The following CACNA1C variants were observed in gnomAD, a reference collection of about 807,000 sequenced individuals.
CACNA1C encodes calcium voltage-gated channel subunit alpha1 C.
CACNA1C carries 30 observed loss-of-function variants against 229.0 expected under a neutral mutation model. That is an observed-to-expected ratio of 0.13 (90% CI 0.10 to 0.18). The LOEUF is 0.18. CACNA1C is among the 10% of genes least tolerant of loss of function. The pLI is 1.00. For missense variants in CACNA1C, 1,658 were observed against 2,845.0 expected, an observed-to-expected ratio of 0.58 and a Z score of 9.49; for synonymous variants, 1,114 against 1,132.5, an observed-to-expected ratio of 0.98 and a Z score of 0.33.
chr12:2,417,586 G>C (rs920986627), intron 3 of CACNA1C, among the ~76,000 whole-genome samples: 3 of 152,178 alleles, frequency 2.0e-5, no homozygotes, highest in African/African-American at 7.2e-5. Flanking sequence ...GGTGGCATGT[G>C]ACTGGCTGCA....
intron 45 of CACNA1C, among the ~76,000 whole-genome samples, chr12:2,687,318 G>T (rs751333684): frequency 6.6e-6 from 1 of 152,154 alleles, no homozygotes; most frequent in Non-Finnish European, 1.5e-5. Flanking sequence ...TGGTAGGCAC[G>T]AAACTCTCCT....
intron 3 of CACNA1C, among the ~76,000 whole-genome samples, chr12:2,402,369 C>T (rs1389761712): frequency 6.6e-6 from 1 of 152,246 alleles, no homozygotes; most frequent in Non-Finnish European, 1.5e-5. Context: ...AGGGACACCT[C>T]CGTGTGCTTC....
chr12:2,391,593 G>A (rs913440662), intron 3 of CACNA1C, among the ~76,000 whole-genome samples: 12 of 107,872 alleles, frequency 1.1e-4, no homozygotes, highest in Admixed American at 4.3e-4. Flanking sequence ...ATGACAGTGG[G>A]CGGGAGGCAG....
At chr12:2,082,225 C>A (rs2065908906) in intron 1 of CACNA1C, among the ~76,000 whole-genome samples, 1 of 152,186 alleles carries the variant, frequency 6.6e-6, no homozygotes, top group Non-Finnish European at 1.5e-5. Flanking sequence ...CTGAGACTCC[C>A]TGCTCTTTTC....
chr12:2,014,516 A>T (rs4765874), intron 1 of CACNA1C, among the ~76,000 whole-genome samples: 78,975 of 152,030 alleles, frequency 0.52, 20,688 homozygotes, highest in East Asian at 0.72. Context: ...AGACAGGCAC[A>T]TTCCCTGCCT....
In CACNA1C at chr12:2,633,624, T is replaced by C. The variant is rs757322782; in HGVS notation, c.3829-673T>C. 7.7e-6 allele frequency: 12 copies of C among 1,568,124 alleles called. No individual in the cohort carries two copies. Among genetic ancestry groups the C allele is most frequent in the Non-Finnish European group, 1.1e-5 (12 of 1,138,244 alleles). ...TCCCCATCCTGCCTGCCCTCCCTTA[T>C]GTAGGGTTACTTTAGTGATCCCTGG... is the stretch of plus-strand genomic sequence containing the variant. On this transcript the variant is annotated intron_variant, in intron 29 of 46. Coordinates refer to ENST00000399655, the MANE Select transcript of CACNA1C (RefSeq NM_000719.7). The surrounding 1 kb of genome is among the most constrained non-coding windows in gnomAD (Gnocchi z 5.8).
chr12:2,170,245 T>C (rs982045586), intron 3 of CACNA1C, among the ~76,000 whole-genome samples: 1 of 152,224 alleles, frequency 6.6e-6, no homozygotes, highest in African/African-American at 2.4e-5. Context: ...TGCCATCTTA[T>C]TCTTTTTCCA....
At chr12:2,441,678 GA>G (rs1204433787) in intron 3 of CACNA1C, among the ~76,000 whole-genome samples, 1 of 151,920 alleles carries the variant, frequency 6.6e-6, no homozygotes, top group African/African-American at 2.4e-5. Context: ...CAAGAAAAAC[GA>G]AAAAAACACT....
At chr12:2,387,892 C>A (rs1456248409) in intron 3 of CACNA1C, among the ~76,000 whole-genome samples, 1 of 152,116 alleles carries the variant, frequency 6.6e-6, no homozygotes, top group Non-Finnish European at 1.5e-5. Flanking sequence ...CAGTGAAACC[C>A]CACTGAGGCA....
At chr12:2,593,373 G>A (rs768381246) in intron 19 of CACNA1C, 28 bp downstream of exon 19, 59 of 1,612,140 alleles carry the variant, frequency 3.7e-5, no homozygotes. Context: ...GGAAGGTGGG[G>A]TCCTGCTCTC....
At chr12:2,174,329 G>A (rs1160392668) in intron 3 of CACNA1C, among the ~76,000 whole-genome samples, 1 of 152,152 alleles carries the variant, frequency 6.6e-6, no homozygotes, top group East Asian at 1.9e-4. Context: ...GCTAGTACTT[G>A]ACCTCCAACC....
Position 2,343,021 on chromosome 12 carries a change from A to G in CACNA1C, c.478-105955A>G, listed in dbSNP as rs190328845. ...CCAATTTGCTGATTAAAAGAGAAAAAACAAACAAGCAAGCAACAGACTGAA... is the reference window on the plus strand; with the variant it reads ...CCAATTTGCTGATTAAAAGAGAAAAGACAAACAAGCAAGCAACAGACTGAA... On this transcript the variant is annotated intron_variant, in intron 3 of 46. Coordinates refer to ENST00000399655, the MANE Select transcript of CACNA1C (RefSeq NM_000719.7). Among the ~76,000 whole-genome samples, 331 of 152,352 alleles carry G rather than the reference A, an allele frequency of 2.2e-3. 6 individuals are homozygous for G. Among genetic ancestry groups the G allele is most frequent in the Non-Finnish European group, 2.9e-3 (194 of 68,032 alleles).
At chr12:2,019,566 G>A (rs1343576326) in intron 1 of CACNA1C, among the ~76,000 whole-genome samples, 1 of 125,442 alleles carries the variant, frequency 8.0e-6, no homozygotes, top group East Asian at 2.3e-4. Flanking sequence ...AGGAAGGAAG[G>A]AAAGAAAAGA....
chr12:2,682,560 C>A lies in CACNA1C; in HGVS notation c.5455C>A (p.Arg1819=). Residue 1819 remains arginine (R), a synonymous_variant, in exon 43 of 47, where the codon CGG becomes AGG. Transcript: ENST00000399655. ...WKLSSNRCHS[R]ESQAAMAGQE... is the part of the protein sequence containing the mutation. ...TCTTGGATATTGTAGGTGCCACTCC[C>A]GGGAGAGCCAGGCAGCCATGGCGGG... 6.2e-7 allele frequency: 1 copy of A among 1,612,116 alleles called. No individual in the cohort carries two copies.
At position 2,665,592 on chromosome 12, in the gene CACNA1C, C is replaced by G. The variant is rs2153709475; in HGVS notation, c.4410C>G (p.Leu1470=). The G allele has an allele frequency of 6.2e-7, 1 of 1,613,664 alleles. No individual in the cohort carries two copies. The highest frequency in any genetic ancestry group is 8.5e-7 in the Non-Finnish European group (1 of 1,179,690). The change falls in exon 36 of 47, where the codon CTC becomes CTG. Residue 1470 remains leucine (L), a synonymous_variant. Coordinates refer to ENST00000399655, the MANE Select transcript of CACNA1C (RefSeq NM_000719.7). The surrounding 1 kb of genome is among the most constrained non-coding windows in gnomAD (Gnocchi z 5.9). ...YMLCAFLIIN[L]FVAVIMDNFD... Reference sequence around the variant, plus strand: ...ACTGTTCCCCACAGATCATCAACCTCTTTGTAGCTGTCATCATGGACAACT... The same window carrying G: ...ACTGTTCCCCACAGATCATCAACCTGTTTGTAGCTGTCATCATGGACAACT...
chr12:2,082,463 C>T (rs964753968), intron 1 of CACNA1C, among the ~76,000 whole-genome samples: 3 of 152,180 alleles, frequency 2.0e-5, no homozygotes, highest in African/African-American at 4.8e-5. Context: ...GGCCGGCTGT[C>T]GCTCCCCAGT....
At chr12:2,516,051 G>C (rs1271823929) in intron 9 of CACNA1C, among the ~76,000 whole-genome samples, 2 of 151,934 alleles carry the variant, frequency 1.3e-5, no homozygotes, top group African/African-American at 4.8e-5. Context: ...TGCCAGAGAG[G>C]GGGGAAGCAG....
chr12:2,642,561 T>C (rs2153611081), intron 30 of CACNA1C, among the ~76,000 whole-genome samples: 1 of 152,314 alleles, frequency 6.6e-6, no homozygotes, highest in East Asian at 1.9e-4. Flanking sequence ...GCATGGCCAC[T>C]TCTGTTGATG....
At chr12:2,588,196 T>C (rs1198331006) in intron 18 of CACNA1C, among the ~76,000 whole-genome samples, 2 of 152,360 alleles carry the variant, frequency 1.3e-5, no homozygotes, top group East Asian at 3.9e-4. Flanking sequence ...TCCTTCCTGC[T>C]TCTTGTTCTC....
Sources: allele counts gnomAD v4.1 joint callset (sites outside exome capture counted in the v4.1 genomes callset), GRCh38; gene constraint gnomAD v4.1.1; non-coding constraint Gnocchi (gnomAD v3.1); transcripts MANE v1.5; gene names NCBI Gene and HGNC (gene_info 2026-07-23, HGNC 2026-07-21).